Variants in RPL28 observed in about 807,000 individuals in gnomAD.
RPL28 encodes the protein ribosomal protein L28.
Under a neutral mutation model 12.5 loss-of-function variants are expected in RPL28, and 4 were observed. The ratio of observed to expected loss-of-function variants is 0.32; its 90% CI spans 0.16 to 0.73. RPL28 has a LOEUF of 0.73. Among genes scored for constraint, RPL28 ranks in the 30% least tolerant of loss-of-function variants. The pLI is 0.66. For missense variants in RPL28, 214 were observed against 197.7 expected (o/e 1.08, Z -0.49); for synonymous variants, 91 against 72.5 (o/e 1.26, Z -1.30).
In RPL28 at chr19:55,386,576, A is replaced by C. The variant is rs920352914; in HGVS notation, c.88A>C (p.Asn30His). ...TGTGCCGCCTCCTTCCCAGGAGCCC[A>C]ATAACTTGAAGGCCCGCAATTCCTT... ...RNKQTYSTEP[N>H]NLKARNSFRY... Residue 30 changes from asparagine (N) to histidine (H), a missense_variant, in exon 3 of 5, where the codon AAT (asparagine) becomes CAT (histidine). Physicochemically the swap from Asn to His is moderately conservative, Grantham distance 68. Coordinates refer to ENST00000344063, the MANE Select transcript of RPL28 (RefSeq NM_000991.5). 1 of 1,606,704 alleles carries C rather than the reference A, an allele frequency of 6.2e-7. No homozygotes were observed. Among genetic ancestry groups the C allele is most frequent in the Admixed American group, 1.7e-5 (1 of 59,794 alleles).
rs2089969679 is a variant in RPL28, at chr19:55,389,547, T to C, written c.*1215T>C. 1.0e-6 allele frequency: 1 copy of C among 985,142 alleles called. No individual in the cohort carries two copies. Among genetic ancestry groups the C allele is most frequent in the South Asian group, 4.7e-5 (1 of 21,278 alleles). The allele number at this position is 985,142 out of a possible 1,614,324, so 61.0% of individuals were successfully genotyped here. ...GACCACCCCCGGCTCTGACTGAGAGTAAGGGGACTGTCAGGGCCTCGACTT... is the reference window on the plus strand; with the variant it reads ...GACCACCCCCGGCTCTGACTGAGAGCAAGGGGACTGTCAGGGCCTCGACTT... On this transcript the variant is annotated 3_prime_UTR_variant, in exon 5 of 5. Coordinates refer to ENST00000344063, the MANE Select transcript of RPL28 (RefSeq NM_000991.5).
chr19:55,389,966 A>C lies in RPL28; in HGVS notation c.*1634A>C. ...ACTGCGCTGGGACTCCGCCTTCATA[A>C]GGAGAGCTCACTGCTCACGTTAGTA... On this transcript the variant is annotated 3_prime_UTR_variant, in exon 5 of 5. Coordinates refer to ENST00000344063, the MANE Select transcript of RPL28 (RefSeq NM_000991.5). 1 of 985,508 alleles carries C rather than the reference A, an allele frequency of 1.0e-6. No homozygotes were observed. Among genetic ancestry groups the C allele is most frequent in the African/African-American group, 1.7e-5 (1 of 57,348 alleles). The allele number at this position is 985,508 out of a possible 1,614,324, so 61.0% of individuals were successfully genotyped here.
downstream of RPL28, among the ~76,000 whole-genome samples, chr19:55,396,107 A>G (rs1440401948): frequency 6.6e-6 from 1 of 151,284 alleles, no homozygotes; most frequent in African/African-American, 2.4e-5. Context: ...GTGAAATTCC[A>G]TCTGTACAAA....
intron 4 of RPL28, chr19:55,401,713 T>C: frequency 3.7e-6 from 6 of 1,613,376 alleles, no homozygotes; most frequent in Non-Finnish European, 5.1e-6. Context: ...GCCCGCCTCC[T>C]CGTTGAGTGC....
Position 55,388,321 on chromosome 19 carries a change from A to G in RPL28, c.403A>G (p.Lys135Glu). The G allele has an allele frequency of 6.4e-7, 1 of 1,570,620 alleles. No homozygotes were observed. Among genetic ancestry groups the G allele is most frequent in the South Asian group, 1.2e-5 (1 of 85,660 alleles). ...MVKRKRTRPT[K>E]SS is the part of the protein sequence containing the mutation. ...GAAGAGGAAGCGGACCCGCCCCACCAAGAGCTCCTGAGCCCCCTGCCCCCA... is the reference window on the plus strand; with the variant it reads ...GAAGAGGAAGCGGACCCGCCCCACCGAGAGCTCCTGAGCCCCCTGCCCCCA... The change falls in exon 5 of 5, where the codon AAG (lysine) becomes GAG (glutamate). Residue 135 changes from lysine to glutamate, a missense_variant. Transcript: ENST00000344063.
downstream of RPL28, among the ~76,000 whole-genome samples, chr19:55,392,441 C>T (rs893182473): frequency 6.6e-6 from 1 of 152,108 alleles, no homozygotes; most frequent in African/African-American, 2.4e-5. Flanking sequence ...CTGTGTTGCC[C>T]AGGCTGGTCC....
chr19:55,397,861 A>T (rs185880682), intron 4 of RPL28, among the ~76,000 whole-genome samples: 13 of 152,176 alleles, frequency 8.5e-5, no homozygotes, highest in African/African-American at 2.9e-4. Flanking sequence ...GTGATACCGC[A>T]TCTTCTTAAA....
intron 3 of RPL28, 145 bp downstream of exon 3, chr19:55,386,838 C>T (rs2089934586): frequency 1.9e-6 from 3 of 1,570,400 alleles, no homozygotes; most frequent in South Asian, 2.3e-5. Flanking sequence ...TACCGGCTTC[C>T]CTCTCGGCCG....
In RPL28 at chr19:55,389,861, C is replaced by A. The variant is rs549983952; in HGVS notation, c.*1529C>A. 65 of 985,342 alleles carry A rather than the reference C, an allele frequency of 6.6e-5. No homozygotes were observed. In the Middle Eastern group the frequency reaches 1.6e-3, roughly 24 times the overall value. The allele number at this position is 985,342 out of a possible 1,614,324, so 61.0% of individuals were successfully genotyped here. On this transcript the variant is annotated 3_prime_UTR_variant, in exon 5 of 5. Coordinates refer to ENST00000344063, the MANE Select transcript of RPL28 (RefSeq NM_000991.5). ...CCACTCAGGCCCACCTCCAGCTGGC[C>A]TCACTCCGCTGGTGACTTCGTACCT...
chr19:55,392,781 G>C (rs2089999779), downstream of RPL28, among the ~76,000 whole-genome samples: 1 of 151,250 alleles, frequency 6.6e-6, no homozygotes, highest in African/African-American at 2.4e-5. Context: ...CGTCCGCCTC[G>C]GTCCCCCAAA....
At chr19:55,394,095 T>C (rs1399473331), downstream of RPL28, among the ~76,000 whole-genome samples, 2 of 152,002 alleles carry the variant, frequency 1.3e-5, no homozygotes, top group Non-Finnish European at 2.9e-5. Context: ...ACCCTATCTA[T>C]ACTAAAAATA....
chr19:55,399,948 C>G (rs1401838892), intron 4 of RPL28: 1 of 152,180 alleles, frequency 6.6e-6, no homozygotes, highest in Non-Finnish European at 1.5e-5. Context: ...CTTCCCTTGT[C>G]TTTCCTTCGC....
rs575184146 is a variant in RPL28 at position 55,389,344 on chromosome 19, C to A, written c.*1012C>A. 2.1e-5 allele frequency: 19 copies of A among 891,996 alleles called. No individual in the cohort carries two copies. The East Asian group carries it at 3.6e-3, about 170-fold the overall frequency. 55.3% of individuals were successfully genotyped at this position (891,996 alleles called of 1,614,324 possible). ...CCACTACACTCCAGCCTGGAAGACA[C>A]CATGACACACAGTGAGGCCTGGATG... On this transcript the variant is annotated 3_prime_UTR_variant, in exon 5 of 5. Transcript: ENST00000344063.
chr19:55,396,385 G>T (rs58464092), downstream of RPL28, among the ~76,000 whole-genome samples: 1 of 150,454 alleles, frequency 6.6e-6, no homozygotes, highest in African/African-American at 2.4e-5. Flanking sequence ...CCAATACCCA[G>T]GTCAGGAAAT....
chr19:55,401,343 C>A (rs769031848), intron 4 of RPL28: 28 of 1,004,910 alleles, frequency 2.8e-5, no homozygotes, highest in Non-Finnish European at 3.7e-5. Context: ...GTACCCTCCC[C>A]GACCCCAGCC....
chr19:55,387,968 A>T lies in RPL28; in HGVS notation c.244A>T (p.Ile82Phe). ...TGCCACCTCCTATGTGCGGACCACCATCAACAAGAATGCTCGCGCCACGCT... is the reference window on the plus strand; with the variant it reads ...TGCCACCTCCTATGTGCGGACCACCTTCAACAAGAATGCTCGCGCCACGCT... ...KPATSYVRTT[I>F]NKNARATLSS... Residue 82 changes from isoleucine to phenylalanine, a missense_variant, in exon 4 of 5, where the codon ATC becomes TTC. Physicochemically the swap from Ile to Phe is conservative, Grantham distance 21. Coordinates refer to ENST00000344063, the MANE Select transcript of RPL28 (RefSeq NM_000991.5). 3 of 1,605,218 alleles carry T rather than the reference A, an allele frequency of 1.9e-6. No individual in the cohort carries two copies. The highest frequency in any genetic ancestry group is 2.6e-6 in the Non-Finnish European group (3 of 1,175,652).
rs756041010 is a variant in RPL28 at position 55,388,274 on chromosome 19, G to A, written c.356G>A (p.Arg119His). Residue 119 changes from arginine (R) to histidine (H), a missense_variant, in exon 5 of 5, where the codon CGC becomes CAC. Arg to His is a conservative substitution (Grantham distance 29). Coordinates refer to ENST00000344063, the MANE Select transcript of RPL28 (RefSeq NM_000991.5). ...AAIRRASAIL[R>H]SQKPVMVKRK... ...ATCCGCAGGGCCAGCGCCATCCTGC[G>A]CAGCCAGAAGCCTGTGATGGTGAAG... is the stretch of plus-strand genomic sequence containing the variant. 2.2e-5 allele frequency: 34 copies of A among 1,580,020 alleles called. No individual in the cohort carries two copies. Among genetic ancestry groups the A allele is most frequent in the East Asian group, 1.9e-4 (8 of 43,064 alleles).
intron 3 of RPL28, 34 bp from the exon 4 acceptor site, chr19:55,387,896 G>A: frequency 6.5e-7 from 1 of 1,530,806 alleles, no homozygotes; most frequent in Non-Finnish European, 8.8e-7. Context: ...AGGTTAGGTG[G>A]ACTGACCCCA....
At chr19:55,396,384 A>G (rs1459491447), downstream of RPL28, among the ~76,000 whole-genome samples, 3 of 151,314 alleles carry the variant, frequency 2.0e-5, no homozygotes. Flanking sequence ...ACCAATACCC[A>G]GGTCAGGAAA....
Sources: allele counts gnomAD v4.1 joint callset (sites outside exome capture counted in the v4.1 genomes callset), GRCh38; gene constraint gnomAD v4.1.1; transcripts MANE v1.5; gene names NCBI Gene and HGNC (gene_info 2026-07-23, HGNC 2026-07-21).